ACAD11: variants seen among roughly 807,000 people sequenced by gnomAD.
The protein encoded by ACAD11 is acyl-Coenzyme A dehydrogenase family, member 11.
A neutral mutation model predicts 102.2 loss-of-function variants in ACAD11; 83 were observed. That is an observed-to-expected ratio of 0.81 (90% CI 0.68 to 0.97). The LOEUF is 0.97. Ranked by LOEUF, ACAD11 falls within the 50% of genes least tolerant of loss-of-function variation. ACAD11 has a pLI of 0.00. For missense variants in ACAD11, 901 were observed against 951.7 expected, an observed-to-expected ratio of 0.95 and a Z score of 0.70; for synonymous variants, 324 against 319.8, an observed-to-expected ratio of 1.01 and a Z score of -0.14.
intron 4 of ACAD11, among the ~76,000 whole-genome samples, chr3:132,641,674 G>GGAGGAA (rs199563250): frequency 0.053 from 5,698 of 108,212 alleles, 160 homozygotes; most frequent in East Asian, 0.21. Context: ...AGGAAGAAGA[G>GGAGGAA]GAAGAGGAAG....
chr3:132,606,208 G>A (rs1938829856), intron 11 of ACAD11, among the ~76,000 whole-genome samples: 1 of 152,188 alleles, frequency 6.6e-6, no homozygotes, highest in Non-Finnish European at 1.5e-5. Flanking sequence ...TGAAAATTGA[G>A]TTGTGTAAGT....
At chr3:132,641,545 A>G (rs1206615240) in intron 4 of ACAD11, among the ~76,000 whole-genome samples, 1 of 139,616 alleles carries the variant, frequency 7.2e-6, no homozygotes, top group African/African-American at 2.7e-5. Context: ...CTCTGTCTCA[A>G]AATGATGATG....
intron 1 of ACAD11, among the ~76,000 whole-genome samples, chr3:132,647,668 G>T (rs973921892): frequency 1.3e-5 from 2 of 152,188 alleles, no homozygotes; most frequent in Non-Finnish European, 2.9e-5. Context: ...GACAGCTCAG[G>T]TGAGAGGGAA....
Position 132,558,485 on chromosome 3 carries a change from A to C in ACAD11, c.*486T>G, listed in dbSNP as rs1166277199. 6.4e-6 allele frequency: 1 copy of C among 155,676 alleles called. No homozygotes were observed. Among genetic ancestry groups the C allele is most frequent in the Admixed American group, 6.5e-5 (1 of 15,344 alleles). The allele number at this position is 155,676 out of a possible 1,614,324, so 9.6% of individuals were successfully genotyped here. A position where few individuals can be genotyped will look rare whatever the true frequency, so the allele number is the denominator to read the frequency against. ...AATTCTTGCTCCCCACCTCCACCCCACCTCAAGAAGAAATTTATTTTTTGT... is the reference window on the plus strand; with the variant it reads ...AATTCTTGCTCCCCACCTCCACCCCCCCTCAAGAAGAAATTTATTTTTTGT... On this transcript the variant is annotated 3_prime_UTR_variant, in exon 20 of 20. Coordinates refer to ENST00000264990, the MANE Select transcript of ACAD11 (RefSeq NM_032169.5).
chr3:132,636,125 GA>G (rs1282772396), intron 5 of ACAD11, among the ~76,000 whole-genome samples: 2 of 152,150 alleles, frequency 1.3e-5, no homozygotes, highest in East Asian at 3.8e-4. Flanking sequence ...CAGCCAGTGA[GA>G]AAAGCTGATG....
intron 1 of ACAD11, among the ~76,000 whole-genome samples, chr3:132,650,979 C>A (rs1940911837): frequency 1.3e-5 from 2 of 152,216 alleles, no homozygotes; most frequent in Admixed American, 1.3e-4. Context: ...AACTCACAGT[C>A]TTTCACAATT....
At chr3:132,650,408 A>G (rs1357685622) in intron 1 of ACAD11, 1 of 152,218 alleles carries the variant, frequency 6.6e-6, no homozygotes, top group Non-Finnish European at 1.5e-5. Context: ...GAAACAGAAT[A>G]AGGCAACCAA....
At chr3:132,588,222 T>C (rs114173538) in intron 13 of ACAD11, among the ~76,000 whole-genome samples, 47 of 152,226 alleles carry the variant, frequency 3.1e-4, no homozygotes, top group Admixed American at 8.5e-4. Flanking sequence ...TGTATGTATG[T>C]ATGCATGTAG....
At chr3:132,624,429 A>G (rs1008217440) in intron 9 of ACAD11, among the ~76,000 whole-genome samples, 2 of 150,266 alleles carry the variant, frequency 1.3e-5, no homozygotes, top group Non-Finnish European at 3.0e-5. Flanking sequence ...ATATGGTGAA[A>G]CTCCATCCCT....
chr3:132,657,927 A>G (rs1248283002), intron 1 of ACAD11, among the ~76,000 whole-genome samples: 1 of 144,344 alleles, frequency 6.9e-6, no homozygotes, highest in East Asian at 2.0e-4. Context: ...TGGTGGTGCA[A>G]TCTTGGCTCA....
At chr3:132,634,541 C>G (rs906417376) in intron 5 of ACAD11, among the ~76,000 whole-genome samples, 2 of 151,976 alleles carry the variant, frequency 1.3e-5, no homozygotes, top group African/African-American at 2.4e-5. Context: ...TTTGACCCAG[C>G]CATCCCATTA....
intron 5 of ACAD11, among the ~76,000 whole-genome samples, chr3:132,638,379 C>A (rs1181600375): frequency 6.6e-6 from 1 of 151,766 alleles, no homozygotes; most frequent in Non-Finnish European, 1.5e-5. Context: ...TATTTCAAAA[C>A]AAAAAGTTAA....
intron 13 of ACAD11, chr3:132,602,274 TATG>T (rs1293160654): frequency 2.4e-5 from 4 of 167,022 alleles, no homozygotes; most frequent in East Asian, 1.9e-4. Context: ...AATTTGCTTC[TATG>T]ATGTCAACTT....
At chr3:132,603,108 A>C in intron 13 of ACAD11, 121 bp downstream of exon 13, 4 of 897,970 alleles carry the variant, frequency 4.5e-6, no homozygotes, top group Non-Finnish European at 7.0e-6. Context: ...TGGCCTACAC[A>C]TGCAGAATTT....
chr3:132,586,456 C>T (rs954270510), intron 13 of ACAD11, among the ~76,000 whole-genome samples: 4 of 151,826 alleles, frequency 2.6e-5, no homozygotes, highest in Admixed American at 6.6e-5. Flanking sequence ...CAAACCTAGA[C>T]GTTGTGCACA....
chr3:132,588,430 A>G (rs1302713333), intron 13 of ACAD11, among the ~76,000 whole-genome samples: 3 of 152,202 alleles, frequency 2.0e-5, no homozygotes, highest in Non-Finnish European at 4.4e-5. Context: ...CATGACAAAT[A>G]TATGAGTTTT....
chr3:132,639,420 G>C (rs1351237996), intron 5 of ACAD11, 72 bp downstream of exon 5: 25 of 1,448,538 alleles, frequency 1.7e-5, no homozygotes, highest in South Asian at 5.5e-5. Flanking sequence ...CAGTGCTCTG[G>C]GGGGAGCATT....
In ACAD11 at chr3:132,566,290, C is replaced by T. The variant is rs767788135; in HGVS notation, c.2002-5073G>A. Among the ~76,000 whole-genome samples, 441 of 46,264 alleles carry T rather than the reference C, an allele frequency of 9.5e-3. 3 individuals are homozygous for T. The highest frequency in any genetic ancestry group is 0.013 in the Non-Finnish European group (333 of 26,570). The allele number at this position is 46,264 out of a possible 152,430, so 30.4% of individuals were successfully genotyped here. On this transcript the variant is annotated intron_variant, in intron 17 of 19. Transcript: ENST00000264990. ...CCCACCCTAAACCAAAGAGAGAAAA[C>T]AAACTCAAAAAAACAAAAAAAAAAA... is the stretch of plus-strand genomic sequence containing the variant.
rs141695702 is a variant in ACAD11 at position 132,622,912 on chromosome 3, A to C, written c.1198-3367T>G. Among the ~76,000 whole-genome samples the C allele has an allele frequency of 1.4e-3, 214 of 152,352 alleles. 1 individual carries two copies. The highest frequency in any genetic ancestry group is 0.014 in the Middle Eastern group (4 of 294). On this transcript the variant is annotated intron_variant, in intron 9 of 19. Transcript: ENST00000264990. ...GTCTACTAGAAAGAAGCAACAGTTC[A>C]TCCTTAGTATATTAGACTCAGCAGG... is the stretch of plus-strand genomic sequence containing the variant.
Sources: gnomAD v4.1 joint callset for allele counts (sites outside exome capture counted in the v4.1 genomes callset) on GRCh38, gnomAD v4.1.1 for gene constraint, MANE v1.5 for transcripts, NCBI Gene and HGNC (gene_info 2026-07-23, HGNC 2026-07-21) for gene names.